Variants in EML4 observed in about 807,000 individuals in gnomAD.
The protein encoded by EML4 is EMAP like 4, also known as echinoderm microtubule-associated protein-like 4.
A neutral mutation model predicts 129.0 loss-of-function variants in EML4; 72 were observed. That is an observed-to-expected ratio of 0.56 (90% confidence interval 0.46 to 0.68). The LOEUF (loss-of-function observed/expected upper bound fraction) is 0.68, where lower values mean the gene tolerates loss of function less well. Among genes scored for constraint, EML4 ranks in the 30% least tolerant of loss-of-function variants. EML4 has a pLI of 0.00. For missense variants in EML4, 1,363 were observed against 1,190.6 expected (o/e 1.14, Z -2.13); for synonymous variants, 532 against 405.0 (o/e 1.31, Z -3.77).
At chr2:42,243,903 TC>T (rs1675197141) in intron 1 of EML4, among the ~76,000 whole-genome samples, 1 of 152,166 alleles carries the variant, frequency 6.6e-6, no homozygotes, top group Non-Finnish European at 1.5e-5. Flanking sequence ...TGCCTTATTG[TC>T]TGAATGACTG....
chr2:42,281,371 C>T (rs995543074), intron 7 of EML4, among the ~76,000 whole-genome samples: 7 of 145,068 alleles, frequency 4.8e-5, no homozygotes, highest in African/African-American at 1.0e-4. Flanking sequence ...CCAGCCTGGG[C>T]GACCGGGGAA....
At position 42,264,554 on chromosome 2, in the gene EML4, A is replaced by G; in HGVS notation, c.642-152A>G. 9 of 613,260 alleles carry G rather than the reference A, an allele frequency of 1.5e-5. No homozygotes were observed. The South Asian group carries it at 1.8e-4, about 12-fold the overall frequency. 38.0% of individuals were successfully genotyped at this position (613,260 alleles called of 1,614,324 possible). A position where few individuals can be genotyped will look rare whatever the true frequency, so the allele number is the denominator to read the frequency against. On this transcript the variant is annotated intron_variant, in intron 5 of 22. Coordinates refer to ENST00000318522, the MANE Select transcript of EML4 (RefSeq NM_019063.5). ...TATATTAGTAGTTCATCAGTGAGAA[A>G]CTTTAAAAAATGCTGATTTCTTACT...
intron 1 of EML4, among the ~76,000 whole-genome samples, chr2:42,235,221 G>T (rs187739028): frequency 1.5e-4 from 23 of 151,818 alleles, no homozygotes; most frequent in African/African-American, 4.8e-5. Flanking sequence ...GCTTGAACCC[G>T]GGAGGCAGAG....
chr2:42,211,843 T>C (rs1672903335), intron 1 of EML4, among the ~76,000 whole-genome samples: 2 of 152,116 alleles, frequency 1.3e-5, no homozygotes, highest in Admixed American at 1.3e-4. Flanking sequence ...TTTCTTTTTC[T>C]TTCTTTCTTT....
intron 1 of EML4, among the ~76,000 whole-genome samples, chr2:42,206,611 A>G (rs1025692253): frequency 2.0e-5 from 3 of 152,198 alleles, no homozygotes; most frequent in Non-Finnish European, 2.9e-5. Flanking sequence ...CTTTTATGAC[A>G]TAGACAGTTT....
intron 1 of EML4, among the ~76,000 whole-genome samples, chr2:42,205,280 A>G (rs894016880): frequency 4.6e-5 from 7 of 152,214 alleles, no homozygotes; most frequent in African/African-American, 1.7e-4. Flanking sequence ...CACTGATACA[A>G]TTCTGAATTA....
At chr2:42,297,356 C>G (rs750304799) in intron 13 of EML4, among the ~76,000 whole-genome samples, 1 of 152,028 alleles carries the variant, frequency 6.6e-6, no homozygotes, top group Non-Finnish European at 1.5e-5. Flanking sequence ...ATAAATATAC[C>G]CTTTTGTTAG....
intron 17 of EML4, among the ~76,000 whole-genome samples, chr2:42,306,392 C>T (rs1668593846): frequency 6.6e-6 from 1 of 151,296 alleles, no homozygotes; most frequent in Non-Finnish European, 1.5e-5. Context: ...TTATTTTTGG[C>T]AGCTAAACAG....
At chr2:42,242,446 A>G (rs923104426) in intron 1 of EML4, among the ~76,000 whole-genome samples, 1 of 152,172 alleles carries the variant, frequency 6.6e-6, no homozygotes, top group Non-Finnish European at 1.5e-5. Flanking sequence ...TTCAGAGAGT[A>G]TAACTGGAAC....
chr2:42,177,658 T>C (rs1272087971), intron 1 of EML4, among the ~76,000 whole-genome samples: 1 of 152,170 alleles, frequency 6.6e-6, no homozygotes, highest in Non-Finnish European at 1.5e-5. Context: ...CTCATTATGT[T>C]CTTATTTCTC....
intron 17 of EML4, among the ~76,000 whole-genome samples, chr2:42,314,433 C>T (rs998022605): frequency 6.6e-6 from 1 of 152,076 alleles, no homozygotes; most frequent in African/African-American, 2.4e-5. Context: ...AAGCTATGGG[C>T]TGAAACTTTT....
intron 9 of EML4, 56 bp from the exon 10 acceptor site, chr2:42,286,213 T>G (rs755923239): frequency 1.1e-6 from 1 of 934,340 alleles, no homozygotes; most frequent in Non-Finnish European, 1.8e-6. Flanking sequence ...CTGTGTGCTA[T>G]TGGTGTTTAT....
At chr2:42,236,033 T>A (rs6720837) in intron 1 of EML4, among the ~76,000 whole-genome samples, 27,803 of 152,096 alleles carry the variant, frequency 0.18, 2,954 homozygotes, top group African/African-American at 0.31. Flanking sequence ...ACGTAGATGT[T>A]CCATTATGTG....
chr2:42,310,325 C>T (rs375593135), intron 17 of EML4, among the ~76,000 whole-genome samples: 1 of 151,332 alleles, frequency 6.6e-6, no homozygotes, highest in African/African-American at 2.4e-5. Flanking sequence ...TTCCCTTTCC[C>T]TTCCCCTTCT....
At chr2:42,304,668 G>T in intron 17 of EML4, 117 bp downstream of exon 17, 1 of 787,842 alleles carries the variant, frequency 1.3e-6, no homozygotes. Flanking sequence ...TAATATGCTT[G>T]TTGTTCTTAT....
intron 2 of EML4, among the ~76,000 whole-genome samples, chr2:42,246,338 C>A (rs144432862): frequency 4.6e-5 from 7 of 152,122 alleles, no homozygotes; most frequent in African/African-American, 1.2e-4. Context: ...TTGAACATAT[C>A]ATTTGATGTC....
chr2:42,230,860 G>A (rs910876333), intron 1 of EML4, among the ~76,000 whole-genome samples: 1 of 152,134 alleles, frequency 6.6e-6, no homozygotes, highest in African/African-American at 2.4e-5. Flanking sequence ...CTCATTCTTT[G>A]TCTTGTTTTT....
At chr2:42,297,866 T>G (rs1668048822) in intron 13 of EML4, among the ~76,000 whole-genome samples, 1 of 152,338 alleles carries the variant, frequency 6.6e-6, no homozygotes, top group Non-Finnish European at 1.5e-5. Flanking sequence ...CAAAACTGTA[T>G]TTTATGTCTT....
At chr2:42,289,643 C>G (rs1012328469) in intron 11 of EML4, 4 of 152,300 alleles carry the variant, frequency 2.6e-5, no homozygotes, top group South Asian at 2.1e-4. Flanking sequence ...AAGCTAGAAA[C>G]TTGGACATCA....
Sources: gnomAD v4.1 joint callset for allele counts (sites outside exome capture counted in the v4.1 genomes callset) on GRCh38, gnomAD v4.1.1 for gene constraint, MANE v1.5 for transcripts, NCBI Gene and HGNC (gene_info 2026-07-23, HGNC 2026-07-21) for gene names.